The following DENND2A variants were observed in gnomAD, a reference collection of about 807,000 sequenced individuals.
The protein encoded by DENND2A is DENN domain-containing protein 2A.
A neutral mutation model predicts 105.3 loss-of-function variants in DENND2A; 53 were observed. The ratio of observed to expected loss-of-function variants is 0.50; its 90% CI spans 0.40 to 0.63. The LOEUF is 0.63. DENND2A is among the 30% of genes least tolerant of loss of function. The pLI is 0.00. For missense variants in DENND2A, 1,138 were observed against 1,279.6 expected, an observed-to-expected ratio of 0.89 and a Z score of 1.69; for synonymous variants, 522 against 508.4, an observed-to-expected ratio of 1.03 and a Z score of -0.36.
chr7:140,523,427 G>A lies in DENND2A; in HGVS notation c.2548-3C>T, dbSNP rs367934077. ...AGGATGGAGTCCTCATCGTCCATCT[G>A]GAAAGCAGAGGTAGCAGGTGGGCTT... On this transcript the variant is annotated splice_polypyrimidine_tract_variant and splice_region_variant and intron_variant, in intron 16 of 19. Transcript: ENST00000496613. This position sits in a 1 kb window ranked among gnomAD's most constrained non-coding sequence, Gnocchi z 4.5. The A allele has an allele frequency of 2.2e-5, 36 of 1,613,990 alleles. No individual in the cohort carries two copies. The African/African-American group carries it at 4.1e-4, about 19-fold the overall frequency.
chr7:140,542,286 ATCT>A (rs1796695920), intron 14 of DENND2A, among the ~76,000 whole-genome samples: 5 of 152,032 alleles, frequency 3.3e-5, no homozygotes, highest in Admixed American at 3.3e-4. Context: ...TTCCTTCCGG[ATCT>A]TCTTTGTTTT....
In DENND2A at chr7:140,567,075, C is replaced by T. The variant is rs1479981744; in HGVS notation, c.1779+11G>A. On this transcript the variant is annotated intron_variant, in intron 9 of 19. Transcript: ENST00000496613. The stretch of plus-strand genomic sequence containing the variant: ...CCCTGGCAGGCCACAGGGACCTGGC[C>T]ACCCTGTTACCTTCAGAGGGAACTG... 6.4e-7 allele frequency: 1 copy of T among 1,567,356 alleles called. No individual in the cohort carries two copies. Among genetic ancestry groups the T allele is most frequent in the Admixed American group, 1.9e-5 (1 of 53,208 alleles).
intron 1 of DENND2A, among the ~76,000 whole-genome samples, chr7:140,637,950 T>A (rs981066300): frequency 3.2e-4 from 49 of 152,168 alleles, no homozygotes; most frequent in Non-Finnish European, 5.4e-4. Flanking sequence ...CCTGGCCCCA[T>A]ACTCTGAGAT....
chr7:140,639,660 A>ACC (rs1317105181), intron 1 of DENND2A, among the ~76,000 whole-genome samples: 1 of 152,184 alleles, frequency 6.6e-6, no homozygotes, highest in Admixed American at 6.5e-5. Context: ...CAACTCTGTT[A>ACC]CCCCCAGCCC....
intron 12 of DENND2A, among the ~76,000 whole-genome samples, chr7:140,553,632 G>C (rs139491768): frequency 0.026 from 3,906 of 152,282 alleles, 173 homozygotes; most frequent in African/African-American, 0.086. Context: ...TTCCTAGGCA[G>C]AGGTCCCTGC....
At chr7:140,561,498 C>CTTTTTTTTTTTTTT in intron 9 of DENND2A, among the ~76,000 whole-genome samples, 1 of 102,518 alleles carries the variant, frequency 9.8e-6, no homozygotes, top group Non-Finnish European at 1.9e-5. Context: ...TTTCTGTTGT[C>CTTTTTTTTTTTTTT]TTTTTTTTTT....
chr7:140,578,591 C>T (rs1445199646), intron 5 of DENND2A, among the ~76,000 whole-genome samples: 2 of 152,166 alleles, frequency 1.3e-5, no homozygotes, highest in Non-Finnish European at 2.9e-5. Flanking sequence ...CAGAGAAAGG[C>T]ATACAAGGGC....
intron 6 of DENND2A, among the ~76,000 whole-genome samples, chr7:140,570,917 G>A (rs905397148): frequency 1.3e-5 from 2 of 152,198 alleles, no homozygotes; most frequent in African/African-American, 4.8e-5. Context: ...TGGTGAGTGC[G>A]AATTTATGTA....
intron 14 of DENND2A, among the ~76,000 whole-genome samples, chr7:140,540,115 G>T (rs564802018): frequency 6.6e-6 from 1 of 152,298 alleles, no homozygotes; most frequent in South Asian, 2.1e-4. Flanking sequence ...AGCTGTAAAG[G>T]GTCTAAAAAC....
chr7:140,590,490 T>C (rs1563162935), intron 3 of DENND2A, among the ~76,000 whole-genome samples: 1 of 152,230 alleles, frequency 6.6e-6, no homozygotes, highest in African/African-American at 2.4e-5. Flanking sequence ...TCCCAGTGGT[T>C]ACTGTCAGAC....
intron 8 of DENND2A, 66 bp from the exon 9 acceptor site, chr7:140,567,339 A>AGG (rs1797892063): frequency 1.4e-6 from 2 of 1,393,014 alleles, no homozygotes; most frequent in Middle Eastern, 2.6e-4. Context: ...AGAGAGAGAG[A>AGG]GAGAGACAGA....
chr7:140,585,527 G>A, intron 5 of DENND2A, 62 bp downstream of exon 5: 1 of 1,606,760 alleles, frequency 6.2e-7, no homozygotes. Flanking sequence ...CGGAACTCCA[G>A]AGTGCTCAAG....
Position 140,559,650 on chromosome 7 carries a change from C to A in DENND2A, c.1889+58G>T. ...CTCATGTGGTCTGCCACCTGTAACC[C>A]CGTCTCTAAGTCTCGCCTTAGTCTT... is the stretch of plus-strand genomic sequence containing the variant. On this transcript the variant is annotated intron_variant, in intron 10 of 19. Coordinates refer to ENST00000496613, the MANE Select transcript of DENND2A (RefSeq NM_015689.5). The surrounding 1 kb of genome is among the most constrained non-coding windows in gnomAD (Gnocchi z 4.1). 7.7e-7 allele frequency: 1 copy of A among 1,299,694 alleles called. No homozygotes were observed. The highest frequency in any genetic ancestry group is 1.1e-6 in the Non-Finnish European group (1 of 900,588). The allele number at this position is 1,299,694 out of a possible 1,614,324, so 80.5% of individuals were successfully genotyped here. A position where few individuals can be genotyped will look rare whatever the true frequency, so the allele number is the denominator to read the frequency against.
chr7:140,573,018 C>G (rs1158051845), intron 6 of DENND2A, among the ~76,000 whole-genome samples: 1 of 152,132 alleles, frequency 6.6e-6, no homozygotes, highest in Non-Finnish European at 1.5e-5. Context: ...TCAAACAAAC[C>G]TTGTTTAACC....
chr7:140,587,623 G>C (rs550379061), intron 4 of DENND2A, 30 bp downstream of exon 4: 2 of 1,612,242 alleles, frequency 1.2e-6, no homozygotes, highest in East Asian at 4.5e-5. Context: ...GACAGACTCA[G>C]ATCCGCACAC....
At chr7:140,534,171 G>A (rs1279051090) in intron 14 of DENND2A, among the ~76,000 whole-genome samples, 1 of 142,302 alleles carries the variant, frequency 7.0e-6, no homozygotes, top group Admixed American at 7.6e-5. Flanking sequence ...TGCAACCTCT[G>A]CCTCCAGGGT....
chr7:140,564,177 G>T (rs1423340457), intron 9 of DENND2A, among the ~76,000 whole-genome samples: 1 of 151,986 alleles, frequency 6.6e-6, no homozygotes, highest in African/African-American at 2.4e-5. Flanking sequence ...CAGCTACTCG[G>T]GAGGCTGATG....
At chr7:140,524,409 T>C (rs996410661) in intron 16 of DENND2A, among the ~76,000 whole-genome samples, 2 of 152,194 alleles carry the variant, frequency 1.3e-5, no homozygotes, top group Non-Finnish European at 2.9e-5. Context: ...TATATGAATG[T>C]ACTAAAACAA....
chr7:140,568,130 C>T (rs928154196), intron 8 of DENND2A, among the ~76,000 whole-genome samples: 5 of 151,976 alleles, frequency 3.3e-5, no homozygotes, highest in Non-Finnish European at 2.9e-5. Flanking sequence ...TTAGTAGAGA[C>T]GAGGTTTCAC....
Sources: gnomAD v4.1 joint callset for allele counts (sites outside exome capture counted in the v4.1 genomes callset) on GRCh38, gnomAD v4.1.1 for gene constraint, Gnocchi (gnomAD v3.1) non-coding constraint, MANE v1.5 for transcripts, NCBI Gene and HGNC (gene_info 2026-07-23, HGNC 2026-07-21) for gene names.